ROBO1: variants seen among roughly 807,000 people sequenced by gnomAD.
ROBO1 encodes the protein roundabout homolog 1.
In ROBO1, 149 loss-of-function variants were observed where a neutral mutation model predicts 195.9. The observed-to-expected ratio is 0.76, with a 90% CI of 0.67 to 0.87. The LOEUF (loss-of-function observed/expected upper bound fraction) is 0.87. Among genes scored for constraint, ROBO1 ranks in the 40% least tolerant of loss-of-function variants. The probability of loss-of-function intolerance (pLI) is 0.00; values close to 1 mark genes in which losing one functional copy is unlikely to be tolerated. For missense variants in ROBO1, 1,933 were observed against 2,068.3 expected, an observed-to-expected ratio of 0.93 and a Z score of 1.27; for synonymous variants, 816 against 733.2, an observed-to-expected ratio of 1.11 and a Z score of -1.82.
At chr3:79,433,892 A>G (rs921435100) in intron 2 of ROBO1, among the ~76,000 whole-genome samples, 5 of 152,188 alleles carry the variant, frequency 3.3e-5, no homozygotes, top group Admixed American at 6.5e-5. Context: ...CTCAGAAATT[A>G]ATACTGCACA....
intron 2 of ROBO1, among the ~76,000 whole-genome samples, chr3:79,573,905 T>C (rs188157054): frequency 2.0e-5 from 3 of 152,232 alleles, no homozygotes; most frequent in East Asian, 3.9e-4. Context: ...AAAAACAATA[T>C]GCTATGGAAT....
At position 79,223,388 on chromosome 3, in the gene ROBO1, A is replaced by G. The variant is rs1203766064; in HGVS notation, c.89-97849T>C. On this transcript the variant is annotated intron_variant, in intron 2 of 30. Transcript: ENST00000464233. ...AACCCTGCAGACATTGTTGATGAACAACAGTATCTATATTATTCGAGTAAA... is the reference window on the plus strand; with the variant it reads ...AACCCTGCAGACATTGTTGATGAACGACAGTATCTATATTATTCGAGTAAA... Among the ~76,000 whole-genome samples, 5 of 152,262 alleles carry G rather than the reference A, an allele frequency of 3.3e-5. No homozygotes were observed. The East Asian group carries it at 9.6e-4, about 29-fold the overall frequency.
chr3:79,060,322 G>T (rs752986088), intron 3 of ROBO1, among the ~76,000 whole-genome samples: 1 of 151,754 alleles, frequency 6.6e-6, no homozygotes, highest in Non-Finnish European at 1.5e-5. Context: ...CTGCTTTTCT[G>T]CCCGTGTGAT....
intron 3 of ROBO1, among the ~76,000 whole-genome samples, chr3:78,984,721 A>C (rs2077067364): frequency 6.6e-6 from 1 of 152,162 alleles, no homozygotes; most frequent in East Asian, 1.9e-4. Flanking sequence ...AGATGAGACT[A>C]TGTAGGCAAC....
At chr3:79,381,264 G>A (rs549466620) in intron 2 of ROBO1, among the ~76,000 whole-genome samples, 2 of 149,818 alleles carry the variant, frequency 1.3e-5, no homozygotes, top group South Asian at 2.1e-4. Context: ...GGCTGAGGCA[G>A]GAGAATTGCT....
intron 3 of ROBO1, among the ~76,000 whole-genome samples, chr3:79,117,223 A>T (rs983494196): frequency 1.3e-5 from 2 of 152,222 alleles, no homozygotes; most frequent in South Asian, 4.1e-4. Flanking sequence ...AAAAAAAATT[A>T]GCTGGGCATG....
At chr3:78,931,135 T>TA (rs913429550) in intron 4 of ROBO1, among the ~76,000 whole-genome samples, 204 of 151,464 alleles carry the variant, frequency 1.3e-3, no homozygotes, top group South Asian at 4.6e-3. Context: ...GAAGTTACTT[T>TA]AAAAAAAAAT....
intron 8 of ROBO1, chr3:78,693,153 A>T (rs2081212805): frequency 1.0e-5 from 6 of 594,878 alleles, no homozygotes; most frequent in Non-Finnish European, 1.7e-5. Context: ...CAACCCCGTT[A>T]CCTTTACTCT....
intron 2 of ROBO1, among the ~76,000 whole-genome samples, chr3:79,565,951 C>T (rs752121923): frequency 5.9e-5 from 9 of 152,048 alleles, no homozygotes; most frequent in South Asian, 2.1e-4. Flanking sequence ...GTTAACAATA[C>T]GGTTCCCTTC....
intron 10 of ROBO1, among the ~76,000 whole-genome samples, chr3:78,684,968 A>G (rs1276262979): frequency 6.6e-6 from 1 of 152,118 alleles, no homozygotes; most frequent in African/African-American, 2.4e-5. Flanking sequence ...TGAAAATATT[A>G]TTCCAATCAC....
At chr3:79,245,724 T>G (rs191208883) in intron 2 of ROBO1, among the ~76,000 whole-genome samples, 10 of 152,140 alleles carry the variant, frequency 6.6e-5, no homozygotes, top group African/African-American at 2.4e-4. Flanking sequence ...TGCCTGTTCC[T>G]TTCACTGGAG....
chr3:79,206,463 T>C (rs79197144), intron 2 of ROBO1, among the ~76,000 whole-genome samples: 2,693 of 152,208 alleles, frequency 0.018, 85 homozygotes, highest in African/African-American at 0.06. Flanking sequence ...CTAAGATCTA[T>C]GGCAAGAACG....
chr3:79,042,508 G>A (rs934867556), intron 3 of ROBO1, among the ~76,000 whole-genome samples: 7 of 152,040 alleles, frequency 4.6e-5, no homozygotes, highest in African/African-American at 1.4e-4. Context: ...AATAAATGAA[G>A]AGAATAATTT....
At chr3:79,217,901 C>A (rs956365046) in intron 2 of ROBO1, among the ~76,000 whole-genome samples, 4 of 151,562 alleles carry the variant, frequency 2.6e-5, no homozygotes, top group African/African-American at 9.7e-5. Flanking sequence ...ATAATAAATC[C>A]ATGGTTCTAT....
intron 3 of ROBO1, among the ~76,000 whole-genome samples, chr3:79,093,388 A>G (rs1052982462): frequency 3.3e-5 from 5 of 152,154 alleles, no homozygotes; most frequent in African/African-American, 1.2e-4. Flanking sequence ...TAAGTTAAAA[A>G]TATGTGCTGA....
intron 4 of ROBO1, among the ~76,000 whole-genome samples, chr3:78,797,733 AAC>A (rs2084228848): frequency 6.6e-6 from 1 of 152,166 alleles, no homozygotes; most frequent in African/African-American, 2.4e-5. Flanking sequence ...ACCAAAATGG[AAC>A]AGTTTTCAGT....
At chr3:79,088,071 A>G (rs534587703) in intron 3 of ROBO1, among the ~76,000 whole-genome samples, 40 of 152,180 alleles carry the variant, frequency 2.6e-4, no homozygotes, top group Middle Eastern at 3.4e-3. Flanking sequence ...ACTAAACTCA[A>G]CTAGTGTTGA....
At chr3:78,969,978 T>C (rs1322926387) in intron 3 of ROBO1, among the ~76,000 whole-genome samples, 1 of 152,180 alleles carries the variant, frequency 6.6e-6, no homozygotes, top group Non-Finnish European at 1.5e-5. Flanking sequence ...CTTTGGCAGT[T>C]TTAAAATATA....
intron 2 of ROBO1, among the ~76,000 whole-genome samples, chr3:79,489,611 C>T (rs375376897): frequency 1.4e-5 from 2 of 146,268 alleles, no homozygotes; most frequent in East Asian, 2.0e-4. Flanking sequence ...GCCGAGAACA[C>T]GCCACTGCAC....
Sources: gnomAD v4.1 joint callset for allele counts (sites outside exome capture counted in the v4.1 genomes callset) on GRCh38, gnomAD v4.1.1 for gene constraint, MANE v1.5 for transcripts, NCBI Gene and HGNC (gene_info 2026-07-23, HGNC 2026-07-21) for gene names.